Variants in UCHL3 observed in about 807,000 individuals in gnomAD.
UCHL3 encodes the protein ubiquitin carboxyl-terminal hydrolase isozyme L3.
In UCHL3, 22 loss-of-function variants were observed where a neutral mutation model predicts 35.8. The observed-to-expected ratio is 0.61, with a 90% CI of 0.44 to 0.88. The LOEUF is 0.88. UCHL3 is among the 40% of genes least tolerant of loss of function. UCHL3 has a pLI of 0.00. For synonymous variants in UCHL3, 90 were observed against 92.8 expected (o/e 0.97, Z 0.17); for missense variants, 229 against 276.9 (o/e 0.83, Z 1.23).
At chr13:75,551,355 C>T (rs1003449227) in intron 2 of UCHL3, among the ~76,000 whole-genome samples, 1 of 149,842 alleles carries the variant, frequency 6.7e-6, no homozygotes, top group African/African-American at 2.5e-5. Context: ...CGCTTGAACC[C>T]GGGAGGCGGA....
intron 6 of UCHL3, among the ~76,000 whole-genome samples, chr13:75,586,095 A>C (rs2032314338): frequency 6.6e-6 from 1 of 152,004 alleles, no homozygotes; most frequent in African/African-American, 2.4e-5. Context: ...GTAAAAAAGC[A>C]AGACACAATT....
At chr13:75,598,312 C>T (rs573695320) in intron 7 of UCHL3, among the ~76,000 whole-genome samples, 6 of 152,142 alleles carry the variant, frequency 3.9e-5, no homozygotes, top group Non-Finnish European at 8.8e-5. Flanking sequence ...TGTATTTTCT[C>T]AAAACAAGTG....
chr13:75,600,340 T>G (rs74347401), intron 7 of UCHL3, among the ~76,000 whole-genome samples: 4,494 of 152,326 alleles, frequency 0.03, 86 homozygotes, highest in African/African-American at 0.043. Flanking sequence ...AGCCTTCTCT[T>G]GGGAAGAAGA....
chr13:75,591,198 CTG>C (rs2032469971), intron 6 of UCHL3, among the ~76,000 whole-genome samples: 1 of 152,200 alleles, frequency 6.6e-6, no homozygotes, highest in Admixed American at 6.5e-5. Flanking sequence ...TATACTCAAA[CTG>C]TGAAGTGGTA....
intron 2 of UCHL3, among the ~76,000 whole-genome samples, chr13:75,552,939 C>T (rs753866681): frequency 5.9e-5 from 9 of 152,160 alleles, no homozygotes; most frequent in Non-Finnish European, 7.4e-5. Context: ...ATGGACCCCT[C>T]TCCACCCCAA....
At chr13:75,550,062 C>T in intron 2 of UCHL3, 75 bp downstream of exon 2, 1 of 1,599,696 alleles carries the variant, frequency 6.3e-7, no homozygotes, top group Non-Finnish European at 8.6e-7. Flanking sequence ...CTGGACTCCA[C>T]CTCCACGCTT....
chr13:75,603,450 GT>G (rs1423685021), intron 7 of UCHL3, among the ~76,000 whole-genome samples: 2 of 152,112 alleles, frequency 1.3e-5, no homozygotes, highest in Non-Finnish European at 2.9e-5. Flanking sequence ...GGGAATATAA[GT>G]GAGGCCCTGT....
At chr13:75,568,932 T>C (rs1038312534) in intron 5 of UCHL3, among the ~76,000 whole-genome samples, 5 of 152,188 alleles carry the variant, frequency 3.3e-5, no homozygotes, top group Admixed American at 6.5e-5. Flanking sequence ...AAATAGTGGG[T>C]ACTATAAGAG....
intron 2 of UCHL3, among the ~76,000 whole-genome samples, chr13:75,557,173 G>C (rs181332258): frequency 6.6e-6 from 1 of 151,816 alleles, no homozygotes; most frequent in African/African-American, 2.4e-5. Context: ...TGTGATTGTT[G>C]TCACTGCACT....
At chr13:75,591,636 C>T (rs76036910) in intron 6 of UCHL3, among the ~76,000 whole-genome samples, 3 of 152,020 alleles carry the variant, frequency 2.0e-5, no homozygotes, top group Non-Finnish European at 2.9e-5. Flanking sequence ...GTTTTTGTAG[C>T]TTAGTAGTAA....
intron 6 of UCHL3, among the ~76,000 whole-genome samples, chr13:75,591,285 A>G (rs8192757): frequency 0.15 from 22,330 of 152,168 alleles, 1,791 homozygotes; most frequent in Middle Eastern, 0.3. Flanking sequence ...CTGAGTATCA[A>G]CAAACTCACA....
Position 75,595,005 on chromosome 13 carries a change from A to T in UCHL3, c.550+15A>T. ...CTATGAATTAGGTAAGAACTATTTT[A>T]ATTTGTCCTGGGGAGAGAAATGGTA... On this transcript the variant is annotated intron_variant, in intron 7 of 8. Coordinates refer to ENST00000377595, the MANE Select transcript of UCHL3 (RefSeq NM_006002.5). The T allele has an allele frequency of 1.3e-6, 2 of 1,578,526 alleles. No homozygotes were observed. Among genetic ancestry groups the T allele is most frequent in the Non-Finnish European group, 1.7e-6 (2 of 1,158,118 alleles).
At chr13:75,553,369 A>G (rs1031774551) in intron 2 of UCHL3, among the ~76,000 whole-genome samples, 4 of 152,210 alleles carry the variant, frequency 2.6e-5, no homozygotes, top group African/African-American at 9.7e-5. Flanking sequence ...CAAGTTCACT[A>G]ATGATTGCCA....
rs77313445 is a variant in UCHL3 at position 75,587,360 on chromosome 13, C to T, written c.475-7555C>T. ...TTTAATATCTGTGCTTAGATTAGAT[C>T]CTGGGGGAAATGCTATAAATTACAC... is the stretch of plus-strand genomic sequence containing the variant. On this transcript the variant is annotated intron_variant, in intron 6 of 8. Coordinates refer to ENST00000377595, the MANE Select transcript of UCHL3 (RefSeq NM_006002.5). Among the ~76,000 whole-genome samples the T allele has an allele frequency of 6.2e-3, 941 of 151,854 alleles. 16 individuals carry two copies. The highest frequency in any genetic ancestry group is 0.055 in the East Asian group (283 of 5,174).
At position 75,566,794 on chromosome 13, in the gene UCHL3, T is replaced by G; in HGVS notation, c.283T>G (p.Cys95Gly). ...YFMKQTISNACGTIGLIHAIA... is the reference protein window; with the variant it reads ...YFMKQTISNAGGTIGLIHAIA... The stretch of plus-strand genomic sequence containing the variant: ...CATGAAGCAAACAATCAGCAATGCC[T>G]GTGGAACAATTGGACTGATTCATGC... Residue 95 changes from cysteine (C) to glycine (G), a missense_variant, in exon 4 of 9, where the codon TGT becomes GGT. Transcript: ENST00000377595. 1 of 1,611,396 alleles carries G rather than the reference T, an allele frequency of 6.2e-7. No individual in the cohort carries two copies. The highest frequency in any genetic ancestry group is 8.5e-7 in the Non-Finnish European group (1 of 1,179,178).
intron 6 of UCHL3, among the ~76,000 whole-genome samples, chr13:75,585,853 A>G (rs12866456): frequency 0.57 from 85,875 of 151,782 alleles, 26,423 homozygotes; most frequent in Non-Finnish European, 0.69. Context: ...GTAAATCCTC[A>G]GGCAATTACT....
chr13:75,549,552 T>C (rs925144390), upstream of UCHL3: 18 of 444,974 alleles, frequency 4.0e-5, no homozygotes, highest in Admixed American at 6.6e-4. Context: ...GAGAGGGCTG[T>C]GGATTCAGAT....
At chr13:75,573,981 G>C (rs1326628724) in intron 6 of UCHL3, among the ~76,000 whole-genome samples, 1 of 152,172 alleles carries the variant, frequency 6.6e-6, no homozygotes, top group Non-Finnish European at 1.5e-5. Flanking sequence ...ACTTTGGGAG[G>C]CCGAGGCGGG....
At chr13:75,577,293 G>A (rs2032053510) in intron 6 of UCHL3, among the ~76,000 whole-genome samples, 1 of 152,114 alleles carries the variant, frequency 6.6e-6, no homozygotes. Flanking sequence ...GGTTGTGTCT[G>A]TACTGAATAT....
Sources: gnomAD v4.1 joint callset for allele counts (sites outside exome capture counted in the v4.1 genomes callset) on GRCh38, gnomAD v4.1.1 for gene constraint, MANE v1.5 for transcripts, NCBI Gene and HGNC (gene_info 2026-07-23, HGNC 2026-07-21) for gene names.